The following HSD11B1L variants were observed in gnomAD, a reference collection of about 807,000 sequenced individuals.
HSD11B1L encodes the protein hydroxysteroid 11-beta-dehydrogenase 1-like protein.
Under a neutral mutation model 27.0 loss-of-function variants are expected in HSD11B1L, and 22 were observed. That is an observed-to-expected ratio of 0.81 (90% confidence interval 0.58 to 1.16). The LOEUF is 1.16. Among genes scored for constraint, HSD11B1L ranks in the 50% most tolerant of loss-of-function variants. The pLI, the probability that HSD11B1L is intolerant of heterozygous loss-of-function variation, is 0.00. For missense variants in HSD11B1L, 372 were observed against 401.8 expected (o/e 0.93, Z 0.63); for synonymous variants, 187 against 189.2 (o/e 0.99, Z 0.09).
Position 5,685,152 on chromosome 19 carries a change from G to A in HSD11B1L, c.204+33G>A, listed in dbSNP as rs1599422754. On this transcript the variant is annotated intron_variant, in intron 3 of 7. Transcript: ENST00000339423. The surrounding 1 kb of genome is among the most constrained non-coding windows in gnomAD (Gnocchi z 4.3). The stretch of plus-strand genomic sequence containing the variant: ...ACCCCATGTCTAGATGAATGGTGGG[G>A]GTGCTCATGGGGGGTGGGAAGAGAG... 1 of 1,539,782 alleles carries A rather than the reference G, an allele frequency of 6.5e-7. No homozygotes were observed. Among genetic ancestry groups the A allele is most frequent in the Non-Finnish European group, 8.7e-7 (1 of 1,146,652 alleles).
At position 5,686,431 on chromosome 19, in the gene HSD11B1L, C is replaced by T. The variant is rs1290421754; in HGVS notation, c.220C>T (p.Arg74Trp). ...ALLQKVVGNC[R>W]KLGAPKVFYI... Reference sequence around the variant, plus strand: ...CCCCCCCCAGGTGGTAGGGAACTGCCGGAAGCTGGGCGCCCCCAAGGTCTT... The same window carrying T: ...CCCCCCCCAGGTGGTAGGGAACTGCTGGAAGCTGGGCGCCCCCAAGGTCTT... Residue 74 changes from arginine (R) to tryptophan (W), a missense_variant, in exon 4 of 8, where the codon CGG (arginine) becomes TGG (tryptophan). Transcript: ENST00000339423. 2.5e-6 allele frequency: 4 copies of T among 1,576,596 alleles called. No homozygotes were observed. The highest frequency in any genetic ancestry group is 3.4e-6 in the Non-Finnish European group (4 of 1,162,728).
Position 5,687,613 on chromosome 19 carries a change from A to C in HSD11B1L, c.613A>C (p.Ile205Leu), listed in dbSNP as rs2054736891. 7.5e-6 allele frequency: 12 copies of C among 1,598,116 alleles called. No homozygotes were observed. Among genetic ancestry groups the C allele is most frequent in the Non-Finnish European group, 9.3e-6 (11 of 1,178,290 alleles). Residue 205 changes from isoleucine (I) to leucine (L), a missense_variant, in exon 7 of 8, where the codon ATC becomes CTC. Coordinates refer to ENST00000339423, the MANE Select transcript of HSD11B1L (RefSeq NM_198706.3). The surrounding 1 kb of genome is among the most constrained non-coding windows in gnomAD (Gnocchi z 6.6). Reference protein sequence around the residue: ...ELDVQDVNVAITMCVLGLRDR... With the variant: ...ELDVQDVNVALTMCVLGLRDR... ...GGACGTGCAGGACGTGAACGTGGCC[A>C]TCACCATGTGCGTCCTGGGCCTCCG... is the stretch of plus-strand genomic sequence containing the variant.
At chr19:5,684,624 G>A (rs1201887488) in intron 1 of HSD11B1L, among the ~76,000 whole-genome samples, 195 bp from the exon 2 acceptor site, 1 of 151,262 alleles carries the variant, frequency 6.6e-6, no homozygotes, top group Non-Finnish European at 1.5e-5. Flanking sequence ...AGGGTGGAGG[G>A]GGAGGGTGCA....
Position 5,687,827 on chromosome 19 carries a change from C to A in HSD11B1L, c.743C>A (p.Ala248Glu). 1 of 1,550,554 alleles carries A rather than the reference C, an allele frequency of 6.4e-7. No individual in the cohort carries two copies. Among genetic ancestry groups the A allele is most frequent in the Non-Finnish European group, 8.7e-7 (1 of 1,150,062 alleles). The change falls in exon 8 of 8, where the codon GCG becomes GAG. Residue 248 changes from alanine (A) to glutamate (E), a missense_variant. Physicochemically the swap from Ala to Glu is moderately radical, Grantham distance 107. Coordinates refer to ENST00000339423, the MANE Select transcript of HSD11B1L (RefSeq NM_198706.3). This position sits in a 1 kb window ranked among gnomAD's most constrained non-coding sequence, Gnocchi z 6.6. Reference protein sequence around the residue: ...LAVIRGGATRAAGVFYPWRFR... With the variant: ...LAVIRGGATREAGVFYPWRFR... ...GTGATCCGCGGCGGCGCCACGCGCGCGGCCGGCGTCTTCTACCCGTGGCGT... is the reference window on the plus strand; with the variant it reads ...GTGATCCGCGGCGGCGCCACGCGCGAGGCCGGCGTCTTCTACCCGTGGCGT...
intron 3 of HSD11B1L, 119 bp from the exon 4 acceptor site, chr19:5,686,297 C>T (rs1286266416): frequency 2.9e-6 from 2 of 693,634 alleles, no homozygotes; most frequent in Non-Finnish European, 4.8e-6. Context: ...TGAATGGGTC[C>T]CGAGGCTCAG....
At chr19:5,683,510 T>C (rs1371864508) in intron 1 of HSD11B1L, among the ~76,000 whole-genome samples, 1 of 152,138 alleles carries the variant, frequency 6.6e-6, no homozygotes, top group African/African-American at 2.4e-5. Context: ...GAAGACCCAA[T>C]AGGGAACAAA....
intron 4 of HSD11B1L, 139 bp downstream of exon 4, chr19:5,686,666 G>A (rs1599426772): frequency 1.4e-6 from 1 of 732,932 alleles, no homozygotes; most frequent in Non-Finnish European, 2.2e-6. Context: ...GCGTGGGCGG[G>A]GTGGAGTCTC....
intron 1 of HSD11B1L, among the ~76,000 whole-genome samples, chr19:5,684,532 G>A (rs1017992835): frequency 1.5e-4 from 23 of 152,144 alleles, no homozygotes; most frequent in Admixed American, 1.3e-3. Context: ...TAGCCACCAA[G>A]GAGTCTGGTT....
intron 3 of HSD11B1L, 31 bp from the exon 4 acceptor site, chr19:5,686,385 G>T (rs559087659): frequency 6.9e-7 from 1 of 1,448,068 alleles, no homozygotes; most frequent in South Asian, 1.3e-5. Flanking sequence ...CTGTAGAGGA[G>T]AGGCCCACGG....
intron 1 of HSD11B1L, among the ~76,000 whole-genome samples, chr19:5,683,438 C>T (rs2054608546): frequency 6.6e-6 from 1 of 152,164 alleles, no homozygotes; most frequent in African/African-American, 2.4e-5. Flanking sequence ...CCTCATATCA[C>T]TCCATGATCA....
rs934371760 is a variant in HSD11B1L at position 5,687,387 on chromosome 19, CG to C, written c.502+14del. The stretch of plus-strand genomic sequence containing the variant: ...GTCCTCGCTGCTCGGTGCGTGCACC[CG>C]GCCCCGGCTCTGCGGGACGGGGAGT... On this transcript the variant is annotated intron_variant, in intron 6 of 7. Coordinates refer to ENST00000339423, the MANE Select transcript of HSD11B1L (RefSeq NM_198706.3). This position sits in a 1 kb window ranked among gnomAD's most constrained non-coding sequence, Gnocchi z 6.6. The C allele has an allele frequency of 4.3e-6, 7 of 1,610,030 alleles. No individual in the cohort carries two copies. The African/African-American group carries it at 8.0e-5, about 18-fold the overall frequency.
chr19:5,682,102 G>C (rs1226839275), intron 1 of HSD11B1L, among the ~76,000 whole-genome samples: 1 of 152,246 alleles, frequency 6.6e-6, no homozygotes, highest in African/African-American at 2.4e-5. Flanking sequence ...TGGGGCCGTG[G>C]GAGAGAAGGA....
rs2054737885 is a variant in HSD11B1L, at chr19:5,687,642, T to C, written c.642T>C (p.Asp214=). Residue 214 remains aspartate (D), a synonymous_variant, in exon 7 of 8, where the codon GAT becomes GAC. Transcript: ENST00000339423. This position sits in a 1 kb window ranked among gnomAD's most constrained non-coding sequence, Gnocchi z 6.6. ...CCATGTGCGTCCTGGGCCTCCGAGATCGCGCCTCCGCCGCCGAGGCAGTCA... is the reference window on the plus strand; with the variant it reads ...CCATGTGCGTCCTGGGCCTCCGAGACCGCGCCTCCGCCGCCGAGGCAGTCA... ...AITMCVLGLR[D]RASAAEAVRG... is the part of the protein sequence containing the mutation. 6.3e-7 allele frequency: 1 copy of C among 1,592,658 alleles called. No homozygotes were observed. Among genetic ancestry groups the C allele is most frequent in the South Asian group, 1.1e-5 (1 of 89,476 alleles).
rs1001098231 is a variant in HSD11B1L, at chr19:5,688,025, A to C, written c.*80A>C. The C allele has an allele frequency of 2.6e-6, 4 of 1,551,420 alleles. No homozygotes were observed. Among genetic ancestry groups the C allele is most frequent in the Non-Finnish European group, 1.7e-6 (2 of 1,147,026 alleles). ...CCCTGGAGCCAGAACACTCACAGAG[A>C]CACCCCTGAGAGGGTGGCCACAGCC... On this transcript the variant is annotated 3_prime_UTR_variant, in exon 8 of 8. Transcript: ENST00000339423.
At position 5,688,096 on chromosome 19, in the gene HSD11B1L, C is replaced by G. The variant is rs890129579; in HGVS notation, c.*151C>G. 1 of 1,551,396 alleles carries G rather than the reference C, an allele frequency of 6.4e-7. No individual in the cohort carries two copies. The highest frequency in any genetic ancestry group is 2.0e-5 in the Admixed American group (1 of 50,986). Reference sequence around the variant, plus strand: ...AGAAAAGCAAAACCGAGAAAAACGACGGGCACCTGGAACCAGTCACGGCTT... The same window carrying G: ...AGAAAAGCAAAACCGAGAAAAACGAGGGGCACCTGGAACCAGTCACGGCTT... On this transcript the variant is annotated 3_prime_UTR_variant, in exon 8 of 8. Transcript: ENST00000339423.
chr19:5,683,553 GGA>G (rs1267525992), intron 1 of HSD11B1L, among the ~76,000 whole-genome samples: 1 of 152,184 alleles, frequency 6.6e-6, no homozygotes, highest in African/African-American at 2.4e-5. Flanking sequence ...CTGCCCTTAT[GGA>G]GCTGATGGTC....
In HSD11B1L at chr19:5,687,598, G is replaced by T. The variant is rs772044493; in HGVS notation, c.598G>T (p.Asp200Tyr). 1 of 1,598,538 alleles carries T rather than the reference G, an allele frequency of 6.3e-7. No individual in the cohort carries two copies. The highest frequency in any genetic ancestry group is 1.7e-5 in the Admixed American group (1 of 59,708). Reference sequence around the variant, plus strand: ...CCTGCGGCGGGAGCTGGACGTGCAGGACGTGAACGTGGCCATCACCATGTG... The same window carrying T: ...CCTGCGGCGGGAGCTGGACGTGCAGTACGTGAACGTGGCCATCACCATGTG... The part of the protein sequence containing the change: ...GSLRRELDVQ[D>Y]VNVAITMCVL... Residue 200 changes from aspartate to tyrosine, a missense_variant, in exon 7 of 8, where the codon GAC becomes TAC. Asp to Tyr is a radical substitution (Grantham distance 160). Transcript: ENST00000339423. This position sits in a 1 kb window ranked among gnomAD's most constrained non-coding sequence, Gnocchi z 6.6.
In HSD11B1L at chr19:5,687,469, G is replaced by A. The variant is rs769164130; in HGVS notation, c.503-34G>A. ...TCTGGGCAGGCTTCCCGGACGAGGGGGAGCCACTCAGCCGCTGCCGTCCGC... is the reference window on the plus strand; with the variant it reads ...TCTGGGCAGGCTTCCCGGACGAGGGAGAGCCACTCAGCCGCTGCCGTCCGC... On this transcript the variant is annotated intron_variant, in intron 6 of 7. Transcript: ENST00000339423. This position sits in a 1 kb window ranked among gnomAD's most constrained non-coding sequence, Gnocchi z 6.6. The A allele has an allele frequency of 3.8e-6, 6 of 1,588,898 alleles. No individual in the cohort carries two copies. The East Asian group carries it at 6.8e-5, about 18-fold the overall frequency.
In HSD11B1L at chr19:5,685,400, A is replaced by T. The variant is rs997746519; in HGVS notation, c.204+281A>T. The T allele has an allele frequency of 7.3e-6, 4 of 550,960 alleles. No homozygotes were observed. In the African/African-American group the frequency reaches 7.5e-5, roughly 10 times the overall value. 34.1% of individuals were successfully genotyped at this position (550,960 alleles called of 1,614,324 possible). A position where few individuals can be genotyped will look rare whatever the true frequency, so the allele number is the denominator to read the frequency against. On this transcript the variant is annotated intron_variant, in intron 3 of 7. Transcript: ENST00000339423. The surrounding 1 kb of genome is among the most constrained non-coding windows in gnomAD (Gnocchi z 4.3). ...AGACCAGCCTGGCCAACATGGCGAA[A>T]CCTGGTCTCTACTAAGAAGACAAAA...
Sources: allele counts gnomAD v4.1 joint callset (sites outside exome capture counted in the v4.1 genomes callset), GRCh38; gene constraint gnomAD v4.1.1; non-coding constraint Gnocchi (gnomAD v3.1); transcripts MANE v1.5; gene names NCBI Gene and HGNC (gene_info 2026-07-23, HGNC 2026-07-21).